UCHL3: variants seen among roughly 807,000 people sequenced by gnomAD.
UCHL3 encodes the protein ubiquitin C-terminal hydrolase L3, also known as ubiquitin carboxyl-terminal hydrolase isozyme L3.
Under a neutral mutation model 35.8 loss-of-function variants are expected in UCHL3, and 22 were observed. The observed-to-expected ratio is 0.61, with a 90% CI of 0.44 to 0.88. UCHL3 has a LOEUF of 0.88. Ranked by LOEUF, UCHL3 falls within the 40% of genes least tolerant of loss-of-function variation. The probability of loss-of-function intolerance (pLI) is 0.00; values close to 1 mark genes in which losing one functional copy is unlikely to be tolerated. For missense variants in UCHL3, 229 were observed against 276.9 expected, an observed-to-expected ratio of 0.83 and a Z score of 1.23; for synonymous variants, 90 against 92.8, an observed-to-expected ratio of 0.97 and a Z score of 0.17.
upstream of UCHL3, chr13:75,549,709 T>C (rs1055301900): frequency 4.6e-5 from 59 of 1,285,874 alleles, no homozygotes; most frequent in Non-Finnish European, 5.1e-5. Flanking sequence ...GTTTAGGCGC[T>C]CCTCCTCCGG....
intron 2 of UCHL3, among the ~76,000 whole-genome samples, chr13:75,550,329 C>G (rs981905203): frequency 6.6e-6 from 1 of 152,142 alleles, no homozygotes; most frequent in African/African-American, 2.4e-5. Context: ...ATTTTCCTAC[C>G]GGTGTACCTT....
rs890339844 is a variant in UCHL3 at position 75,573,124 on chromosome 13, C to T, written c.474+3617C>T. ...ACTAAAAATACAAAAATCAGCTGGG[C>T]GTGGTGGCATGTGCCTGTAATCCCA... On this transcript the variant is annotated intron_variant, in intron 6 of 8. Coordinates refer to ENST00000377595, the MANE Select transcript of UCHL3 (RefSeq NM_006002.5). Among the ~76,000 whole-genome samples the T allele has an allele frequency of 3.3e-5, 5 of 152,124 alleles. No homozygotes were observed. The South Asian group carries it at 8.3e-4, about 25-fold the overall frequency.
intron 6 of UCHL3, among the ~76,000 whole-genome samples, chr13:75,570,145 AGC>A (rs2031807861): frequency 2.0e-5 from 3 of 152,174 alleles, no homozygotes; most frequent in Admixed American, 2.0e-4. Flanking sequence ...ATTTAACTAA[AGC>A]TGTTTGGTAT....
chr13:75,560,724 G>GTTTTTTTTTTTTTTTTTTTTTTTTT, intron 2 of UCHL3, 29 bp from the exon 3 acceptor site: 1 of 1,413,562 alleles, frequency 7.1e-7, no homozygotes, highest in Non-Finnish European at 9.6e-7. Context: ...ATGTTCCATT[G>GTTTTTTTTTTTTTTTTTTTTTTTTT]TTTTTTTTTT....
chr13:75,560,483 C>T (rs1160449387), intron 2 of UCHL3, among the ~76,000 whole-genome samples: 3 of 152,146 alleles, frequency 2.0e-5, no homozygotes, highest in Non-Finnish European at 2.9e-5. Flanking sequence ...AGAAAATCTG[C>T]TTTACTACCA....
chr13:75,592,458 A>ATACG (rs2032533584), intron 6 of UCHL3, among the ~76,000 whole-genome samples: 1 of 117,620 alleles, frequency 8.5e-6, no homozygotes, highest in Non-Finnish European at 1.8e-5. Context: ...ATATATATAT[A>ATACG]TATATATATG....
chr13:75,589,192 A>G (rs933455198), intron 6 of UCHL3, among the ~76,000 whole-genome samples: 5 of 152,072 alleles, frequency 3.3e-5, no homozygotes, highest in Admixed American at 2.6e-4. Flanking sequence ...TGGCAATGTG[A>G]CCTTGGTTAT....
intron 6 of UCHL3, among the ~76,000 whole-genome samples, chr13:75,591,333 T>G (rs1306833722): frequency 6.6e-6 from 1 of 152,174 alleles, no homozygotes; most frequent in Non-Finnish European, 1.5e-5. Flanking sequence ...GGTCACGACA[T>G]TCTTCATTTT....
In UCHL3 at chr13:75,594,944, T is replaced by A. The variant is rs188855227; in HGVS notation, c.504T>A (p.Leu168=). Residue 168 remains leucine (L), a synonymous_variant, in exon 7 of 9, where the codon CTT becomes CTA. Coordinates refer to ENST00000377595, the MANE Select transcript of UCHL3 (RefSeq NM_006002.5). ...EAPSIDEKVD[L]HFIALVHVDG... ...CAAGTATAGATGAGAAAGTAGATCTTCATTTTATTGCATTAGTTCATGTAG... is the reference window on the plus strand; with the variant it reads ...CAAGTATAGATGAGAAAGTAGATCTACATTTTATTGCATTAGTTCATGTAG... 13 of 1,609,474 alleles carry A rather than the reference T, an allele frequency of 8.1e-6. No homozygotes were observed. The African/African-American group carries it at 1.7e-4, about 22-fold the overall frequency.
intron 2 of UCHL3, among the ~76,000 whole-genome samples, chr13:75,554,014 C>A (rs918293749): frequency 1.3e-5 from 2 of 152,152 alleles, no homozygotes; most frequent in Non-Finnish European, 2.9e-5. Context: ...AGACCATGGA[C>A]AGTTATCTAA....
intron 6 of UCHL3, among the ~76,000 whole-genome samples, chr13:75,580,863 A>C (rs148929423): frequency 8.5e-5 from 13 of 152,344 alleles, no homozygotes; most frequent in African/African-American, 2.9e-4. Flanking sequence ...TAGGTAATAC[A>C]AATTGCTGAA....
intron 6 of UCHL3, 52 bp downstream of exon 6, chr13:75,569,559 T>C (rs532098102): frequency 6.7e-7 from 1 of 1,502,564 alleles, no homozygotes; most frequent in Non-Finnish European, 9.1e-7. Flanking sequence ...ACCATATAAA[T>C]TTCTTGCTGT....
intron 6 of UCHL3, among the ~76,000 whole-genome samples, chr13:75,576,548 G>T (rs1298228350): frequency 6.6e-6 from 1 of 152,066 alleles, no homozygotes; most frequent in Non-Finnish European, 1.5e-5. Flanking sequence ...TAGAGACAGG[G>T]TTTCACAGTG....
At chr13:75,574,053 TAA>T (rs960671470) in intron 6 of UCHL3, among the ~76,000 whole-genome samples, 1 of 152,100 alleles carries the variant, frequency 6.6e-6, no homozygotes, top group Non-Finnish European at 1.5e-5. Context: ...CCGTATCTAC[TAA>T]AAATACAAAA....
chr13:75,564,939 A>G (rs1192890822), intron 3 of UCHL3, among the ~76,000 whole-genome samples: 1 of 151,692 alleles, frequency 6.6e-6, no homozygotes, highest in East Asian at 1.9e-4. Context: ...CAGATGATCC[A>G]CCCCCTTCAG....
chr13:75,568,572 C>T (rs538255804), intron 5 of UCHL3, among the ~76,000 whole-genome samples: 22 of 151,754 alleles, frequency 1.4e-4, no homozygotes, highest in Middle Eastern at 3.8e-3. Context: ...GTATTACATA[C>T]CAGTAAGTAT....
chr13:75,605,839 C>T lies in UCHL3; in HGVS notation c.*27C>T. 1 of 1,607,596 alleles carries T rather than the reference C, an allele frequency of 6.2e-7. No individual in the cohort carries two copies. The highest frequency in any genetic ancestry group is 8.5e-7 in the Non-Finnish European group (1 of 1,176,562). On this transcript the variant is annotated 3_prime_UTR_variant, in exon 9 of 9. Coordinates refer to ENST00000377595, the MANE Select transcript of UCHL3 (RefSeq NM_006002.5). The stretch of plus-strand genomic sequence containing the variant: ...TTGTCAATAATGGAAACACCAAAAA[C>T]TGTATTATTTGCAACTAAATTTTCT...
At chr13:75,571,888 A>G (rs907643668) in intron 6 of UCHL3, among the ~76,000 whole-genome samples, 1 of 149,600 alleles carries the variant, frequency 6.7e-6, no homozygotes, top group Non-Finnish European at 1.5e-5. Flanking sequence ...TGTTGGAGTG[A>G]AAAAAAAAAT....
At position 75,596,450 on chromosome 13, in the gene UCHL3, G is replaced by A. The variant is rs147560816; in HGVS notation, c.550+1460G>A. ...ACTTCAGATGTCTGGGTGGTTGCTG[G>A]AAGCAGATTTTCTACTCTGAATTGT... On this transcript the variant is annotated intron_variant, in intron 7 of 8. Coordinates refer to ENST00000377595, the MANE Select transcript of UCHL3 (RefSeq NM_006002.5). Among the ~76,000 whole-genome samples, 476 of 152,154 alleles carry A rather than the reference G, an allele frequency of 3.1e-3. 5 individuals carry two copies. The highest frequency in any genetic ancestry group is 0.011 in the African/African-American group (444 of 41,518).
Sources: allele counts gnomAD v4.1 joint callset (sites outside exome capture counted in the v4.1 genomes callset), GRCh38; gene constraint gnomAD v4.1.1; transcripts MANE v1.5; gene names NCBI Gene and HGNC (gene_info 2026-07-23, HGNC 2026-07-21).